The following PREX1 variants were observed in gnomAD, a reference collection of about 807,000 sequenced individuals.
PREX1 encodes the protein phosphatidylinositol-3,4,5-trisphosphate dependent Rac exchange factor 1, also known as phosphatidylinositol 3,4,5-trisphosphate-dependent Rac exchanger 1 protein.
PREX1 carries 41 observed loss-of-function variants against 198.3 expected under a neutral mutation model. The ratio of observed to expected loss-of-function variants is 0.21; its 90% CI spans 0.16 to 0.27. The LOEUF (loss-of-function observed/expected upper bound fraction) is 0.27. Ranked by LOEUF, PREX1 falls within the 10% of genes least tolerant of loss-of-function variation. The pLI is 1.00. For missense variants in PREX1, 1,620 were observed against 2,200.7 expected (o/e 0.74, Z 5.28); for synonymous variants, 843 against 887.2 (o/e 0.95, Z 0.89).
intron 4 of PREX1, among the ~76,000 whole-genome samples, chr20:48,733,765 T>C (rs2090045328): frequency 6.6e-6 from 1 of 151,004 alleles, no homozygotes; most frequent in East Asian, 1.9e-4. Context: ...TTTTTGTTTT[T>C]TTTGAGGCCG....
intron 4 of PREX1, among the ~76,000 whole-genome samples, chr20:48,731,626 A>G (rs770048977): frequency 1.3e-5 from 2 of 152,268 alleles, no homozygotes; most frequent in Non-Finnish European, 2.9e-5. Context: ...GCCCAGCACA[A>G]CATGGATGGA....
At chr20:48,863,033 G>C in the PREX1 span, among the ~76,000 whole-genome samples, 1 of 151,870 alleles carries the variant, frequency 6.6e-6, no homozygotes, top group African/African-American at 2.4e-5. Context: ...ACACCAGGTT[G>C]CCTGGGCTGA....
At chr20:48,630,477 G>A (rs1476092922) in intron 36 of PREX1, among the ~76,000 whole-genome samples, 1 of 152,282 alleles carries the variant, frequency 6.6e-6, no homozygotes, top group East Asian at 1.9e-4. Context: ...TCAGAGAAAT[G>A]CTGTGGTTAA....
chr20:48,628,330 A>T (rs574676916), intron 37 of PREX1, among the ~76,000 whole-genome samples: 1 of 152,278 alleles, frequency 6.6e-6, no homozygotes, highest in Admixed American at 6.5e-5. Flanking sequence ...GGGGTTTGAG[A>T]TGGACACATC....
chr20:48,708,750 G>C (rs1298901442), intron 5 of PREX1, among the ~76,000 whole-genome samples: 1 of 152,140 alleles, frequency 6.6e-6, no homozygotes, highest in Non-Finnish European at 1.5e-5. Flanking sequence ...CGAGGGGAGA[G>C]CCTGCCGGGC....
intron 23 of PREX1, 117 bp downstream of exon 23, chr20:48,650,777 C>T (rs892896501): frequency 8.5e-5 from 111 of 1,307,916 alleles, no homozygotes; most frequent in Non-Finnish European, 1.1e-4. Context: ...ACCATACATT[C>T]TCCTGTTTGT....
the PREX1 span, among the ~76,000 whole-genome samples, chr20:48,861,183 A>G: frequency 6.6e-6 from 1 of 152,142 alleles, no homozygotes; most frequent in Admixed American, 6.5e-5. Flanking sequence ...GACACTCTTT[A>G]GCCCCAGAAC....
the PREX1 span, among the ~76,000 whole-genome samples, chr20:48,864,290 TG>T: frequency 6.6e-6 from 1 of 152,230 alleles, no homozygotes; most frequent in Admixed American, 6.5e-5. Flanking sequence ...GGACCTATTA[TG>T]TTCAGGCACT....
intron 7 of PREX1, among the ~76,000 whole-genome samples, chr20:48,697,603 C>T (rs538637494): frequency 5.9e-5 from 9 of 152,062 alleles, no homozygotes; most frequent in South Asian, 4.2e-4. Flanking sequence ...CCAGGATGGC[C>T]TCGATCTTCT....
chr20:48,765,178 T>C (rs1032505117), intron 1 of PREX1, among the ~76,000 whole-genome samples: 2 of 152,258 alleles, frequency 1.3e-5, no homozygotes, highest in African/African-American at 2.4e-5. Context: ...TCTGTTATTA[T>C]GATTACTACA....
intron 31 of PREX1, 27 bp from the exon 32 acceptor site, chr20:48,636,710 C>A (rs368454867): frequency 6.4e-7 from 1 of 1,561,242 alleles, no homozygotes; most frequent in Non-Finnish European, 8.7e-7. Flanking sequence ...GGAGGCCTTG[C>A]TGGAGGGGCG....
chr20:48,820,283 G>A (rs570248716), intron 1 of PREX1, among the ~76,000 whole-genome samples: 8 of 152,338 alleles, frequency 5.3e-5, no homozygotes, highest in African/African-American at 1.4e-4. Flanking sequence ...GGGTGAGCCC[G>A]CACACAGTCA....
At chr20:48,724,050 C>G (rs181488852) in intron 5 of PREX1, among the ~76,000 whole-genome samples, 1 of 152,300 alleles carries the variant, frequency 6.6e-6, no homozygotes, top group Admixed American at 6.5e-5. Flanking sequence ...AAACACAGAG[C>G]CACCGACCTT....
intron 5 of PREX1, among the ~76,000 whole-genome samples, chr20:48,719,570 G>C (rs1036398748): frequency 6.6e-6 from 1 of 152,128 alleles, no homozygotes; most frequent in African/African-American, 2.4e-5. Context: ...AGCAGATGAG[G>C]AGCTCACTGC....
intron 9 of PREX1, among the ~76,000 whole-genome samples, chr20:48,689,446 T>C (rs1420074221): frequency 6.6e-6 from 1 of 152,174 alleles, no homozygotes; most frequent in East Asian, 1.9e-4. Context: ...GTTGCCCAAT[T>C]GGAAGTGGTG....
At position 48,653,440 on chromosome 20, in the gene PREX1, C is replaced by T. The variant is rs1384353174; in HGVS notation, c.2267G>A (p.Gly756Asp). 1 of 1,613,858 alleles carries T rather than the reference C, an allele frequency of 6.2e-7. No homozygotes were observed. The highest frequency in any genetic ancestry group is 8.5e-7 in the Non-Finnish European group (1 of 1,180,006). ...CAGQCILKVN[G>D]SNVMNDGAPE... Reference sequence around the variant, plus strand: ...GGCACCATCGTTCATCACGTTGCTGCCATTGACCTTCAGAATGCACTGACC... The same window carrying T: ...GGCACCATCGTTCATCACGTTGCTGTCATTGACCTTCAGAATGCACTGACC... The change falls in exon 20 of 40, where the codon GGC (glycine) becomes GAC (aspartate). Residue 756 changes from glycine (G) to aspartate (D), a missense_variant. Around this residue, in one of 7 missense-constraint regions of PREX1, gnomAD observed 514 missense variants for 611.6 expected, o/e 0.84. Coordinates refer to ENST00000371941, the MANE Select transcript of PREX1 (RefSeq NM_020820.4).
chr20:48,642,095 A>C, intron 29 of PREX1, 73 bp downstream of exon 29: 1 of 1,481,488 alleles, frequency 6.7e-7, no homozygotes, highest in Non-Finnish European at 9.4e-7. Flanking sequence ...GCTGAGCATT[A>C]GCCCGGGTAC....
chr20:48,652,652 T>C lies in PREX1; in HGVS notation c.2401A>G (p.Ser801Gly). The change falls in exon 21 of 40, where the codon AGT becomes GGT. Residue 801 changes from serine to glycine, a missense_variant. Transcript: ENST00000371941. The part of the protein sequence containing the change: ...THEDAQEARA[S>G]QEASTEDPSG... ...GGGTCCTCAGTGGAGGCCTCCTGAC[T>C]GGCTCGTGCTTCCTGGGCATCCTCA... is the stretch of plus-strand genomic sequence containing the variant. 6.2e-7 allele frequency: 1 copy of C among 1,613,744 alleles called. No individual in the cohort carries two copies. Among genetic ancestry groups the C allele is most frequent in the Non-Finnish European group, 8.5e-7 (1 of 1,179,782 alleles).
At position 48,786,143 on chromosome 20, in the gene PREX1, G is replaced by A. The variant is rs1601135172; in HGVS notation, c.220-38263C>T. On this transcript the variant is annotated intron_variant, in intron 1 of 39. Coordinates refer to ENST00000371941, the MANE Select transcript of PREX1 (RefSeq NM_020820.4). ...GCAGAGAAAGGGGGTGAGTCGGGGA[G>A]GTGAGGTCAAACCTGGAATCTAGGC... Among the ~76,000 whole-genome samples the A allele has an allele frequency of 2.0e-5, 3 of 152,260 alleles. 1 individual carries two copies. Among genetic ancestry groups the A allele is most frequent in the Admixed American group, 2.0e-4 (3 of 15,300 alleles).
Sources: gnomAD v4.1 joint callset for allele counts (sites outside exome capture counted in the v4.1 genomes callset) on GRCh38, gnomAD v4.1.1 for gene constraint, gnomAD v4.1.1 regional missense constraint, MANE v1.5 for transcripts, NCBI Gene and HGNC (gene_info 2026-07-23, HGNC 2026-07-21) for gene names.